The following ROR2 variants were observed in gnomAD, a reference collection of about 807,000 sequenced individuals.
ROR2 encodes the protein ROR family WNT receptor 2.
A neutral mutation model predicts 74.9 loss-of-function variants in ROR2; 33 were observed. The ratio of observed to expected loss-of-function variants is 0.44; its 90% CI spans 0.33 to 0.59. ROR2 has a LOEUF of 0.59. ROR2 is among the 20% of genes least tolerant of loss of function. The pLI, the probability that ROR2 is intolerant of heterozygous loss-of-function variation, is 0.02. For missense variants in ROR2, 1,216 were observed against 1,313.8 expected (o/e 0.93, Z 1.15); for synonymous variants, 586 against 558.7 (o/e 1.05, Z -0.69).
chr9:91,758,144 C>T (rs1445946366), intron 2 of ROR2, among the ~76,000 whole-genome samples: 1 of 152,210 alleles, frequency 6.6e-6, no homozygotes, highest in Admixed American at 6.5e-5. Context: ...AGGGAGCAGA[C>T]CATCGCCTTG....
chr9:91,784,459 C>G (rs1826726762), intron 1 of ROR2, among the ~76,000 whole-genome samples: 1 of 152,154 alleles, frequency 6.6e-6, no homozygotes, highest in Non-Finnish European at 1.5e-5. Flanking sequence ...AAGCCAGATA[C>G]AAAGATGCGT....
intron 1 of ROR2, among the ~76,000 whole-genome samples, chr9:91,807,276 G>A (rs80130165): frequency 0.018 from 2,720 of 152,302 alleles, 85 homozygotes; most frequent in East Asian, 0.16. Flanking sequence ...AGCTTCCTGA[G>A]AGATGAACAC....
chr9:91,907,932 C>A (rs539628033), intron 1 of ROR2, among the ~76,000 whole-genome samples: 1 of 152,120 alleles, frequency 6.6e-6, no homozygotes. Flanking sequence ...CAGGTGGGCA[C>A]AGGGCAAGGG....
At chr9:91,765,871 A>G (rs1374255486) in intron 2 of ROR2, among the ~76,000 whole-genome samples, 1 of 152,226 alleles carries the variant, frequency 6.6e-6, no homozygotes, top group African/African-American at 2.4e-5. Context: ...TAGGCCTTAT[A>G]TCAGGGTGCA....
chr9:91,847,592 CCAGG>C (rs1828969077), intron 1 of ROR2, among the ~76,000 whole-genome samples: 1 of 151,918 alleles, frequency 6.6e-6, no homozygotes, highest in Admixed American at 6.6e-5. Context: ...CAAAGTAAGC[CCAGG>C]CAGGCGGGAC....
At chr9:91,948,587 A>T in intron 1 of ROR2, 1 of 985,504 alleles carries the variant, frequency 1.0e-6, no homozygotes, top group Non-Finnish European at 1.2e-6. Context: ...AAGACTGTGC[A>T]GCCTTTCTGA....
chr9:91,893,341 G>A (rs1336862192), intron 1 of ROR2, among the ~76,000 whole-genome samples: 1 of 152,122 alleles, frequency 6.6e-6, no homozygotes, highest in Non-Finnish European at 1.5e-5. Context: ...TCAGGGGGCC[G>A]AGGCAGGAGA....
chr9:91,771,227 C>T (rs1826216985), intron 2 of ROR2, among the ~76,000 whole-genome samples: 2 of 152,178 alleles, frequency 1.3e-5, no homozygotes, highest in African/African-American at 4.8e-5. Flanking sequence ...AGACACAGCT[C>T]GCCGGGTCTA....
chr9:91,736,128 G>A (rs1564240346), intron 5 of ROR2, among the ~76,000 whole-genome samples: 4 of 152,164 alleles, frequency 2.6e-5, no homozygotes, highest in African/African-American at 4.8e-5. Flanking sequence ...GAAAGCTTTT[G>A]CAGTGAGAGG....
chr9:91,897,567 TG>T (rs954734717), intron 1 of ROR2, among the ~76,000 whole-genome samples: 1 of 128,068 alleles, frequency 7.8e-6, no homozygotes, highest in African/African-American at 2.9e-5. Context: ...TGGAAGTGGG[TG>T]GGGGGGTATT....
At chr9:91,786,133 T>C (rs887209251) in intron 1 of ROR2, among the ~76,000 whole-genome samples, 2 of 100,558 alleles carry the variant, frequency 2.0e-5, no homozygotes, top group Admixed American at 3.0e-4. Flanking sequence ...CTAGCCTGGG[T>C]AACATACGGA....
chr9:91,745,889 CAGAACTTACCATAAAA>C (rs1268253048), intron 4 of ROR2, among the ~76,000 whole-genome samples: 2 of 151,988 alleles, frequency 1.3e-5, no homozygotes, highest in Non-Finnish European at 2.9e-5. Context: ...TTCTAGAAAA[CAGAACTTACCATAAAA>C]AGATGTCACT....
At chr9:91,859,856 T>A (rs1032020616) in intron 1 of ROR2, among the ~76,000 whole-genome samples, 12 of 152,042 alleles carry the variant, frequency 7.9e-5, no homozygotes, top group Non-Finnish European at 1.8e-4. Flanking sequence ...AAACCATGTG[T>A]TTCAGCCACA....
chr9:91,776,616 T>C (rs1826427917), intron 1 of ROR2, among the ~76,000 whole-genome samples: 1 of 152,170 alleles, frequency 6.6e-6, no homozygotes, highest in South Asian at 2.1e-4. Flanking sequence ...AGTGGTCCCA[T>C]CATGGAAACC....
chr9:91,928,154 T>A (rs543843583), intron 1 of ROR2, among the ~76,000 whole-genome samples: 67 of 152,182 alleles, frequency 4.4e-4, no homozygotes, highest in African/African-American at 1.6e-3. Flanking sequence ...CTTGGCCCTA[T>A]GTGACCCCAG....
At chr9:91,829,906 T>G (rs1828410367) in intron 1 of ROR2, among the ~76,000 whole-genome samples, 1 of 152,222 alleles carries the variant, frequency 6.6e-6, no homozygotes, top group Admixed American at 6.5e-5. Context: ...AGCCCAGCCC[T>G]TTCTTTGAGT....
At chr9:91,765,826 A>G (rs1178285978) in intron 2 of ROR2, among the ~76,000 whole-genome samples, 1 of 152,206 alleles carries the variant, frequency 6.6e-6, no homozygotes, top group Non-Finnish European at 1.5e-5. Flanking sequence ...AACTGGACCT[A>G]GCAGAATCGT....
intron 1 of ROR2, among the ~76,000 whole-genome samples, chr9:91,941,749 C>T (rs1230474307): frequency 1.3e-5 from 2 of 151,128 alleles, no homozygotes; most frequent in African/African-American, 4.9e-5. Context: ...TACTGTCTCC[C>T]CACCCCGCCC....
chr9:91,795,236 G>C (rs75062754), intron 1 of ROR2, among the ~76,000 whole-genome samples: 82 of 152,266 alleles, frequency 5.4e-4, no homozygotes, highest in African/African-American at 1.8e-3. Flanking sequence ...ATATGAGACA[G>C]AGTCTTTACA....
Sources: gnomAD v4.1 joint callset for allele counts (sites outside exome capture counted in the v4.1 genomes callset) on GRCh38, gnomAD v4.1.1 for gene constraint, MANE v1.5 for transcripts, NCBI Gene and HGNC (gene_info 2026-07-23, HGNC 2026-07-21) for gene names.